The following RASAL2 variants were observed in gnomAD, a reference collection of about 807,000 sequenced individuals.
The protein encoded by RASAL2 is ras GTPase-activating protein nGAP.
RASAL2 carries 58 observed loss-of-function variants against 128.9 expected under a neutral mutation model. That is an observed-to-expected ratio of 0.45 (90% CI 0.36 to 0.56). The LOEUF is 0.56. Among genes scored for constraint, RASAL2 ranks in the 20% least tolerant of loss-of-function variants. The pLI, the probability that RASAL2 is intolerant of heterozygous loss-of-function variation, is 0.00. For missense variants in RASAL2, 1,360 were observed against 1,601.6 expected (o/e 0.85, Z 2.57); for synonymous variants, 561 against 580.8 (o/e 0.97, Z 0.49).
Position 178,344,876 on chromosome 1 carries a change from C to T in RASAL2, c.457+44758C>T, listed in dbSNP as rs111872061. Among the ~76,000 whole-genome samples the T allele has an allele frequency of 6.3e-3, 963 of 152,112 alleles. 8 individuals carry two copies. Among genetic ancestry groups the T allele is most frequent in the African/African-American group, 0.021 (874 of 41,518 alleles). On this transcript the variant is annotated intron_variant, in intron 3 of 17. Transcript: ENST00000367649. ...TCAGCGATATGAATTCTCTTTTAGC[C>T]GGGGTTATTTTTAACTGCTGATGGG...
At chr1:178,438,110 G>C (rs1676374839) in intron 5 of RASAL2, among the ~76,000 whole-genome samples, 1 of 120,552 alleles carries the variant, frequency 8.3e-6, no homozygotes, top group African/African-American at 3.2e-5. Flanking sequence ...GCTTGTGTGT[G>C]TGTGTGTGTG....
chr1:178,143,964 TATA>T (rs1660630217), intron 1 of RASAL2, among the ~76,000 whole-genome samples: 1 of 152,186 alleles, frequency 6.6e-6, no homozygotes, highest in South Asian at 2.1e-4. Context: ...TAAGTGGTGT[TATA>T]GTATCATTAT....
intron 3 of RASAL2, among the ~76,000 whole-genome samples, chr1:178,344,172 A>G (rs183226917): frequency 4.6e-5 from 7 of 152,250 alleles, no homozygotes; most frequent in Admixed American, 6.5e-5. Context: ...AATATTGTTT[A>G]TATATTAAAT....
At chr1:178,131,009 G>A (rs1660087947) in intron 1 of RASAL2, among the ~76,000 whole-genome samples, 1 of 38,686 alleles carries the variant, frequency 2.6e-5, no homozygotes, top group Non-Finnish European at 6.6e-5. Flanking sequence ...AGCCGAGATA[G>A]CACCACTGCA....
At chr1:178,327,532 A>C (rs1669094017) in intron 3 of RASAL2, among the ~76,000 whole-genome samples, 1 of 151,620 alleles carries the variant, frequency 6.6e-6, no homozygotes, top group Non-Finnish European at 1.5e-5. Context: ...GTGTTTTTTT[A>C]ATAGAGACAG....
intron 3 of RASAL2, among the ~76,000 whole-genome samples, chr1:178,324,490 A>G (rs1668940676): frequency 6.6e-6 from 1 of 151,580 alleles, no homozygotes; most frequent in Non-Finnish European, 1.5e-5. Context: ...GACTTTGCCC[A>G]TTTGTTTTTT....
chr1:178,361,289 T>C (rs1198897501), intron 3 of RASAL2, among the ~76,000 whole-genome samples: 1 of 152,208 alleles, frequency 6.6e-6, no homozygotes, highest in Non-Finnish European at 1.5e-5. Flanking sequence ...GTATTTTTTT[T>C]TCAATCAGAA....
intron 1 of RASAL2, among the ~76,000 whole-genome samples, chr1:178,242,028 T>A (rs1375349486): frequency 6.6e-6 from 1 of 152,202 alleles, no homozygotes; most frequent in Non-Finnish European, 1.5e-5. Flanking sequence ...TGTTTCTTGA[T>A]TTATTTATAG....
intron 1 of RASAL2, among the ~76,000 whole-genome samples, chr1:178,114,125 T>TTG (rs1156921513): frequency 6.6e-6 from 1 of 152,112 alleles, no homozygotes. Context: ...GAGGATCATA[T>TTG]TGTCTGCAAA....
At chr1:178,455,927 T>C (rs1345724190) in intron 12 of RASAL2, among the ~76,000 whole-genome samples, 1 of 152,252 alleles carries the variant, frequency 6.6e-6, no homozygotes, top group Non-Finnish European at 1.5e-5. Context: ...CTCAGTGGAA[T>C]GCAGATTCAG....
At chr1:178,244,750 C>T (rs919421915) in intron 1 of RASAL2, among the ~76,000 whole-genome samples, 12 of 152,082 alleles carry the variant, frequency 7.9e-5, no homozygotes, top group African/African-American at 2.7e-4. Context: ...CAACAGGCCC[C>T]GGTGTGTGAT....
At chr1:178,235,502 C>G (rs763557396) in intron 1 of RASAL2, among the ~76,000 whole-genome samples, 1 of 152,068 alleles carries the variant, frequency 6.6e-6, no homozygotes. Flanking sequence ...CAAGGAATTT[C>G]GATTCCAGTA....
At chr1:178,222,542 C>T (rs1663648812) in intron 1 of RASAL2, among the ~76,000 whole-genome samples, 1 of 152,068 alleles carries the variant, frequency 6.6e-6, no homozygotes, top group Non-Finnish European at 1.5e-5. Flanking sequence ...TATTCCTAAT[C>T]TCTCTCTGGA....
At chr1:178,371,351 CAAAT>C (rs146923743) in intron 3 of RASAL2, among the ~76,000 whole-genome samples, 157 of 112,992 alleles carry the variant, frequency 1.4e-3, no homozygotes, top group African/African-American at 6.6e-3. Flanking sequence ...CACACACACA[CAAAT>C]ACACACACAC....
At chr1:178,218,054 C>G (rs1301463534) in intron 1 of RASAL2, among the ~76,000 whole-genome samples, 1 of 151,996 alleles carries the variant, frequency 6.6e-6, no homozygotes, top group Admixed American at 6.6e-5. Flanking sequence ...GAAGCAACTC[C>G]TCACCCATTC....
At chr1:178,281,743 G>GT (rs1214720142) in intron 1 of RASAL2, among the ~76,000 whole-genome samples, 2 of 152,096 alleles carry the variant, frequency 1.3e-5, no homozygotes, top group African/African-American at 4.8e-5. Flanking sequence ...TCTACATAAA[G>GT]TAGATGCATC....
intron 3 of RASAL2, among the ~76,000 whole-genome samples, chr1:178,330,461 A>G (rs1474651601): frequency 6.6e-6 from 1 of 152,170 alleles, no homozygotes; most frequent in African/African-American, 2.4e-5. Context: ...TATTTCTAAT[A>G]CATATTCTCT....
At chr1:178,388,351 G>T (rs1672704406) in intron 3 of RASAL2, among the ~76,000 whole-genome samples, 1 of 152,158 alleles carries the variant, frequency 6.6e-6, no homozygotes, top group African/African-American at 2.4e-5. Flanking sequence ...CCATTCCCAT[G>T]AATCTGAGCT....
intron 1 of RASAL2, among the ~76,000 whole-genome samples, chr1:178,168,662 G>C (rs1394606244): frequency 6.6e-6 from 1 of 152,022 alleles, no homozygotes; most frequent in Non-Finnish European, 1.5e-5. Context: ...TGCACACCGG[G>C]CTGTGTGTTT....
Sources: allele counts gnomAD v4.1 joint callset (sites outside exome capture counted in the v4.1 genomes callset), GRCh38; gene constraint gnomAD v4.1.1; transcripts MANE v1.5; gene names NCBI Gene and HGNC (gene_info 2026-07-23, HGNC 2026-07-21).